The following SETBP1 variants were observed in gnomAD, a reference collection of about 807,000 sequenced individuals.
The protein encoded by SETBP1 is SET binding protein 1.
In SETBP1, 9 loss-of-function variants were observed where a neutral mutation model predicts 101.0. That is an observed-to-expected ratio of 0.09 (90% CI 0.05 to 0.16). The LOEUF is 0.16. Ranked by LOEUF, SETBP1 falls within the 10% of genes least tolerant of loss-of-function variation. The pLI is 1.00. For missense variants in SETBP1, 1,858 were observed against 2,033.8 expected (o/e 0.91, Z 1.66); for synonymous variants, 818 against 788.5 (o/e 1.04, Z -0.63).
intron 2 of SETBP1, among the ~76,000 whole-genome samples, chr18:44,750,964 T>C (rs755205157): frequency 6.6e-6 from 1 of 152,130 alleles, no homozygotes; most frequent in African/African-American, 2.4e-5. Context: ...CTTGAGGTTA[T>C]GGGCTGTGGT....
intron 3 of SETBP1, among the ~76,000 whole-genome samples, chr18:44,872,613 C>T (rs1568193148): frequency 1.3e-5 from 2 of 152,256 alleles, no homozygotes. Flanking sequence ...CCAGTGCCTT[C>T]ATCCAGGATG....
chr18:45,063,092 G>A lies in SETBP1; in HGVS notation c.4185G>A (p.Leu1395=), dbSNP rs1392273153. 1 of 1,613,984 alleles carries A rather than the reference G, an allele frequency of 6.2e-7. No homozygotes were observed. Among genetic ancestry groups the A allele is most frequent in the Non-Finnish European group, 8.5e-7 (1 of 1,179,996 alleles). ...AATSDAVGSS[L]KKRFKRREIE... is the part of the protein sequence containing the mutation. ...CCCCTCCCGCAGTCGGCTCCTCCCT[G>A]AAGAAGAGGTTCAAGCGGCGGGAGA... Residue 1395 remains leucine (L), a synonymous_variant, in exon 6 of 6, where the codon CTG becomes CTA. Transcript: ENST00000649279.
chr18:44,964,541 C>T (rs1301731930), intron 4 of SETBP1, among the ~76,000 whole-genome samples: 2 of 152,034 alleles, frequency 1.3e-5, no homozygotes, highest in Non-Finnish European at 2.9e-5. Flanking sequence ...AATGGATTCC[C>T]CATCTATAAA....
intron 2 of SETBP1, among the ~76,000 whole-genome samples, chr18:44,715,046 G>T (rs183555391): frequency 2.0e-5 from 3 of 152,148 alleles, no homozygotes; most frequent in East Asian, 1.9e-4. Flanking sequence ...TTGGTGGGGT[G>T]GGGGGTGTTT....
intron 2 of SETBP1, among the ~76,000 whole-genome samples, chr18:44,735,078 T>G (rs967998536): frequency 1.3e-5 from 2 of 152,206 alleles, no homozygotes; most frequent in African/African-American, 4.8e-5. Context: ...TATTGTAAAG[T>G]TGGAAAGCCA....
intron 5 of SETBP1, among the ~76,000 whole-genome samples, chr18:45,052,572 C>T (rs2073739769): frequency 1.3e-5 from 2 of 152,086 alleles, no homozygotes; most frequent in South Asian, 2.1e-4. Flanking sequence ...GATGTAATAT[C>T]CTCTCTGACA....
In SETBP1 at chr18:45,047,143, A is replaced by G. The variant is rs112138218; in HGVS notation, c.4171+8488A>G. Among the ~76,000 whole-genome samples the G allele has an allele frequency of 1.9e-3, 296 of 152,250 alleles. 3 individuals carry two copies. The highest frequency in any genetic ancestry group is 0.011 in the South Asian group (55 of 4,818). ...AACACGTTTTATCTTCTTCCCAGTG[A>G]TAGTATCATTCACACCTCCATTGAA... On this transcript the variant is annotated intron_variant, in intron 5 of 5. Transcript: ENST00000649279.
chr18:44,873,390 G>A (rs979049190), intron 3 of SETBP1, among the ~76,000 whole-genome samples: 2 of 152,214 alleles, frequency 1.3e-5, no homozygotes, highest in Non-Finnish European at 2.9e-5. Flanking sequence ...TGTGAAAGTA[G>A]CATTGTATGC....
At chr18:44,696,586 T>G (rs2069021630) in intron 1 of SETBP1, among the ~76,000 whole-genome samples, 1 of 152,230 alleles carries the variant, frequency 6.6e-6, no homozygotes, top group Non-Finnish European at 1.5e-5. Flanking sequence ...AAGTCACATC[T>G]AGCCAAGCAG....
Position 45,006,600 on chromosome 18 carries a change from C to T in SETBP1, c.4001-31885C>T, listed in dbSNP as rs139251814. ...GCTTATGTATGCATCGCCCCTAACT[C>T]TGCCTTCATTTCTTATGGCATTCGC... On this transcript the variant is annotated intron_variant, in intron 4 of 5. Transcript: ENST00000649279. 1.7e-4 allele frequency among the ~76,000 whole-genome samples: 26 copies of T among 152,304 alleles called. No homozygotes were observed. In the East Asian group the frequency reaches 5.0e-3, roughly 29 times the overall value.
At chr18:44,958,934 A>T (rs759507370) in intron 4 of SETBP1, among the ~76,000 whole-genome samples, 2 of 152,100 alleles carry the variant, frequency 1.3e-5, no homozygotes, top group African/African-American at 2.4e-5. Context: ...TTCCTTTTGG[A>T]AACCAAGAAT....
intron 4 of SETBP1, among the ~76,000 whole-genome samples, chr18:44,965,323 G>A (rs1296585365): frequency 8.3e-6 from 1 of 119,794 alleles, no homozygotes; most frequent in Admixed American, 8.6e-5. Flanking sequence ...AGATCACTCA[G>A]AACAAATCAA....
At chr18:45,010,852 T>A (rs180876552) in intron 4 of SETBP1, among the ~76,000 whole-genome samples, 58 of 152,346 alleles carry the variant, frequency 3.8e-4, no homozygotes, top group African/African-American at 1.3e-3. Flanking sequence ...GGGGATTAAG[T>A]AATTTCTCGA....
chr18:44,995,135 C>CTTTTTTTTT (rs58617770), intron 4 of SETBP1, among the ~76,000 whole-genome samples: 1 of 95,008 alleles, frequency 1.1e-5, no homozygotes, highest in Admixed American at 1.3e-4. Flanking sequence ...ATGTTATTTA[C>CTTTTTTTTT]TTTTTTTTTT....
intron 3 of SETBP1, among the ~76,000 whole-genome samples, chr18:44,926,920 G>T (rs2070718959): frequency 6.6e-6 from 1 of 152,182 alleles, no homozygotes; most frequent in Non-Finnish European, 1.5e-5. Flanking sequence ...GAAAGATTCA[G>T]CAAAGTGTAT....
chr18:44,755,887 G>A (rs555477741), intron 2 of SETBP1, among the ~76,000 whole-genome samples: 7 of 152,054 alleles, frequency 4.6e-5, no homozygotes, highest in Non-Finnish European at 7.4e-5. Context: ...TTCTGTGTAC[G>A]TGTTAATAAA....
At chr18:45,054,006 C>T (rs2073766033) in intron 5 of SETBP1, among the ~76,000 whole-genome samples, 1 of 152,142 alleles carries the variant, frequency 6.6e-6, no homozygotes, top group African/African-American at 2.4e-5. Flanking sequence ...AACTTTTTGG[C>T]GTTAACTACA....
intron 3 of SETBP1, among the ~76,000 whole-genome samples, chr18:44,903,662 C>T: frequency 6.6e-6 from 1 of 152,222 alleles, no homozygotes; most frequent in East Asian, 1.9e-4. Flanking sequence ...ATCACACAAT[C>T]TCTTTTTCTC....
chr18:44,722,682 A>G (rs1191279782), intron 2 of SETBP1, among the ~76,000 whole-genome samples: 1 of 152,170 alleles, frequency 6.6e-6, no homozygotes, highest in African/African-American at 2.4e-5. Context: ...AAAATTCGGG[A>G]GTACGCTCAT....
Sources: gnomAD v4.1 joint callset for allele counts (sites outside exome capture counted in the v4.1 genomes callset) on GRCh38, gnomAD v4.1.1 for gene constraint, MANE v1.5 for transcripts, NCBI Gene and HGNC (gene_info 2026-07-23, HGNC 2026-07-21) for gene names.